Variants in PDK1 observed in about 807,000 individuals in gnomAD.
PDK1 encodes pyruvate dehydrogenase kinase 1.
In PDK1, 39 loss-of-function variants were observed where a neutral mutation model predicts 54.2. The ratio of observed to expected loss-of-function variants is 0.72; its 90% CI spans 0.56 to 0.94. The LOEUF (loss-of-function observed/expected upper bound fraction) is 0.94. Ranked by LOEUF, PDK1 falls within the 40% of genes least tolerant of loss-of-function variation. The probability of loss-of-function intolerance (pLI) is 0.00; values close to 1 mark genes in which losing one functional copy is unlikely to be tolerated. For synonymous variants in PDK1, 221 were observed against 207.1 expected, an observed-to-expected ratio of 1.07 and a Z score of -0.58; for missense variants, 552 against 566.0, an observed-to-expected ratio of 0.98 and a Z score of 0.25.
At chr2:172,670,935 T>C in the PDK1 span, among the ~76,000 whole-genome samples, 8 of 152,144 alleles carry the variant, frequency 5.3e-5, no homozygotes, top group Non-Finnish European at 8.8e-5. Flanking sequence ...TTAATAGTTA[T>C]ACTTCTTACA....
intron 8 of PDK1, 68 bp from the exon 9 acceptor site, chr2:172,586,210 T>G: frequency 1.3e-5 from 11 of 857,096 alleles, no homozygotes; most frequent in Non-Finnish European, 2.0e-5. Flanking sequence ...TGTGATGCTA[T>G]GAGTATGTGT....
chr2:172,573,526 CATATACAT>C (rs768179074), intron 8 of PDK1, among the ~76,000 whole-genome samples: 112 of 151,004 alleles, frequency 7.4e-4, no homozygotes, highest in Non-Finnish European at 1.3e-3. Flanking sequence ...CACACACATA[CATATACAT>C]ATATACATAC....
rs1304468086 is a variant in PDK1 at position 172,570,830 on chromosome 2, T to G, written c.945+6T>G. The G allele has an allele frequency of 6.5e-7, 1 of 1,539,782 alleles. No individual in the cohort carries two copies. Among genetic ancestry groups the G allele is most frequent in the South Asian group, 1.2e-5 (1 of 86,416 alleles). ...ATGAGGATTTGACTGTGAAGGTAAA[T>G]GTGTTTAATGGTTTGTTTTCTTTTT... On this transcript the variant is annotated splice_donor_region_variant and intron_variant, in intron 8 of 10. Coordinates refer to ENST00000282077, the MANE Select transcript of PDK1 (RefSeq NM_002610.5).
chr2:172,692,056 C>T, the PDK1 span, among the ~76,000 whole-genome samples: 1 of 152,202 alleles, frequency 6.6e-6, no homozygotes, highest in Non-Finnish European at 1.5e-5. Context: ...GAAAAGGCAT[C>T]AGTGACACTT....
At chr2:172,708,261 C>T in the PDK1 span, among the ~76,000 whole-genome samples, 67 of 151,128 alleles carry the variant, frequency 4.4e-4, no homozygotes, top group Non-Finnish European at 1.0e-4. Flanking sequence ...TGCAGTCCAG[C>T]CTGGGCGACA....
the PDK1 span, among the ~76,000 whole-genome samples, chr2:172,663,782 C>A: frequency 1.3e-5 from 2 of 152,144 alleles, no homozygotes; most frequent in African/African-American, 4.8e-5. Context: ...TCCCCCTTTT[C>A]TTCCTTTTAA....
At chr2:172,638,026 G>A in the PDK1 span, among the ~76,000 whole-genome samples, 1 of 152,054 alleles carries the variant, frequency 6.6e-6, no homozygotes, top group Non-Finnish European at 1.5e-5. Flanking sequence ...GGAGTAGGGA[G>A]GAAGCTGATA....
intron 10 of PDK1, among the ~76,000 whole-genome samples, chr2:172,594,227 G>A (rs1470203257): frequency 6.6e-6 from 1 of 152,004 alleles, no homozygotes; most frequent in African/African-American, 2.4e-5. Context: ...GTTTGACCAC[G>A]CTGGCTAGGC....
the PDK1 span, among the ~76,000 whole-genome samples, chr2:172,672,682 G>A: frequency 6.6e-6 from 1 of 151,412 alleles, no homozygotes; most frequent in Non-Finnish European, 1.5e-5. Context: ...TCAATAAAAA[G>A]CAGTAGAAAC....
intron 8 of PDK1, among the ~76,000 whole-genome samples, chr2:172,571,823 CTTTTTTTTTTTTTTT>C (rs36031428): frequency 2.0e-5 from 2 of 99,782 alleles, no homozygotes; most frequent in Non-Finnish European, 2.0e-5. Context: ...TCTTTCTTTA[CTTTTTTTTTTTTTTT>C]TTTTTTTTTT....
At chr2:172,679,409 T>G in the PDK1 span, among the ~76,000 whole-genome samples, 2 of 152,168 alleles carry the variant, frequency 1.3e-5, no homozygotes, top group African/African-American at 2.4e-5. Context: ...ATGCCACTAT[T>G]GTCATCCAGC....
chr2:172,712,473 G>C, the PDK1 span, among the ~76,000 whole-genome samples: 2 of 152,204 alleles, frequency 1.3e-5, no homozygotes, highest in Non-Finnish European at 2.9e-5. Context: ...GGCGGTGAGG[G>C]GTGTGTGAGC....
chr2:172,562,873 C>T, intron 3 of PDK1: 1 of 1,398,378 alleles, frequency 7.2e-7, no homozygotes, highest in Non-Finnish European at 1.0e-6. Flanking sequence ...TATGCAGCTA[C>T]CTGCTTATTG....
chr2:172,648,466 C>T, the PDK1 span, among the ~76,000 whole-genome samples: 252 of 152,300 alleles, frequency 1.7e-3, no homozygotes, highest in African/African-American at 5.8e-3. Context: ...GCATTTCCAA[C>T]TGAGGTACTG....
intron 9 of PDK1, among the ~76,000 whole-genome samples, chr2:172,591,122 C>A (rs1574528766): frequency 6.6e-6 from 1 of 152,230 alleles, no homozygotes; most frequent in East Asian, 1.9e-4. Flanking sequence ...ATTTGGGATT[C>A]CATTTGTAAG....
Position 172,603,520 on chromosome 2 carries a change from G to A in PDK1, c.*7551G>A, listed in dbSNP as rs1691183183. The A allele has an allele frequency of 6.6e-6, 1 of 152,190 alleles. No homozygotes were observed. The highest frequency in any genetic ancestry group is 2.4e-5 in the African/African-American group (1 of 41,440). 9.4% of individuals were successfully genotyped at this position (152,190 alleles called of 1,614,324 possible). A position where few individuals can be genotyped will look rare whatever the true frequency, so the allele number is the denominator to read the frequency against. ...GGTCATGGAAGACGACAGCAAACTT[G>A]AGTGGTTAATGAGAGCTTCACTAAT... On this transcript the variant is annotated 3_prime_UTR_variant, in exon 11 of 11. Coordinates refer to ENST00000282077, the MANE Select transcript of PDK1 (RefSeq NM_002610.5).
intron 8 of PDK1, among the ~76,000 whole-genome samples, chr2:172,583,296 T>G (rs942946576): frequency 4.5e-5 from 6 of 134,238 alleles, no homozygotes; most frequent in Non-Finnish European, 9.5e-5. Context: ...TTTTTTTTTT[T>G]TTTTTTTTTT....
chr2:172,706,690 A>T, the PDK1 span, among the ~76,000 whole-genome samples: 6 of 152,136 alleles, frequency 3.9e-5, no homozygotes, highest in Non-Finnish European at 8.8e-5. Context: ...CAGCCTCCCA[A>T]AGTGCTGGGA....
the PDK1 span, among the ~76,000 whole-genome samples, chr2:172,619,965 G>A: frequency 6.6e-6 from 1 of 152,196 alleles, no homozygotes; most frequent in Non-Finnish European, 1.5e-5. Context: ...AGGAGTTCGA[G>A]ACCAGCCTGG....
Sources: gnomAD v4.1 joint callset for allele counts (sites outside exome capture counted in the v4.1 genomes callset) on GRCh38, gnomAD v4.1.1 for gene constraint, MANE v1.5 for transcripts, NCBI Gene and HGNC (gene_info 2026-07-23, HGNC 2026-07-21) for gene names.